The following ASIC2 variants were observed in gnomAD, a reference collection of about 807,000 sequenced individuals.
The protein encoded by ASIC2 is acid sensing ion channel subunit 2, also known as acid-sensing ion channel 2.
ASIC2 carries 25 observed loss-of-function variants against 57.3 expected under a neutral mutation model. The observed-to-expected ratio is 0.44, with a 90% CI of 0.32 to 0.61. The LOEUF (loss-of-function observed/expected upper bound fraction) is 0.61, where lower values mean the gene tolerates loss of function less well. ASIC2 is among the 20% of genes least tolerant of loss of function. The pLI, the probability that ASIC2 is intolerant of heterozygous loss-of-function variation, is 0.06. For missense variants in ASIC2, 641 were observed against 738.1 expected (o/e 0.87, Z 1.52); for synonymous variants, 319 against 307.5 (o/e 1.04, Z -0.39).
At chr17:33,251,634 C>A (rs1170400317) in intron 1 of ASIC2, among the ~76,000 whole-genome samples, 8 of 152,140 alleles carry the variant, frequency 5.3e-5, no homozygotes, top group Admixed American at 3.9e-4. Context: ...GCCTCAGGTA[C>A]CATCTTACAG....
chr17:34,131,333 T>C (rs1259103839), intron 1 of ASIC2, among the ~76,000 whole-genome samples: 2 of 152,120 alleles, frequency 1.3e-5, no homozygotes, highest in Non-Finnish European at 2.9e-5. Context: ...AGGAATCAAT[T>C]AGAAATAACC....
chr17:33,920,775 G>T (rs775377260), intron 1 of ASIC2, among the ~76,000 whole-genome samples: 4 of 152,122 alleles, frequency 2.6e-5, no homozygotes, highest in Admixed American at 6.5e-5. Context: ...TATTAGAGGC[G>T]TTGTGGTCGC....
chr17:33,974,293 C>T lies in ASIC2; in HGVS notation c.555+181685G>A, dbSNP rs71379440. ...CAAGTCTCAGTGTCTTCAGCTACAA[C>T]GTTAAGGAAGCAGATTTAAAGATCT... On this transcript the variant is annotated intron_variant, in intron 1 of 9. Transcript: ENST00000359872. 7.2e-3 allele frequency among the ~76,000 whole-genome samples: 1,094 copies of T among 152,214 alleles called. 20 individuals are homozygous for T. The highest frequency in any genetic ancestry group is 0.025 in the African/African-American group (1,034 of 41,530).
chr17:34,087,488 C>T (rs1390182780), intron 1 of ASIC2, among the ~76,000 whole-genome samples: 1 of 152,124 alleles, frequency 6.6e-6, no homozygotes, highest in Non-Finnish European at 1.5e-5. Flanking sequence ...TCCTTCATTC[C>T]AACTTTGGTT....
chr17:33,579,198 A>C (rs1023712372), intron 1 of ASIC2, among the ~76,000 whole-genome samples: 3 of 151,136 alleles, frequency 2.0e-5, no homozygotes, highest in Admixed American at 1.3e-4. Context: ...AGGCAGGAGA[A>C]TCGCTTGAAC....
At chr17:33,285,200 A>C (rs1043970310) in intron 1 of ASIC2, among the ~76,000 whole-genome samples, 5 of 152,242 alleles carry the variant, frequency 3.3e-5, no homozygotes, top group African/African-American at 1.2e-4. Context: ...AGTGGCCCCA[A>C]AATAGCCACT....
At chr17:33,320,669 A>G (rs1488979525) in intron 1 of ASIC2, among the ~76,000 whole-genome samples, 1 of 152,124 alleles carries the variant, frequency 6.6e-6, no homozygotes, top group Non-Finnish European at 1.5e-5. Flanking sequence ...TTGCTTTCCT[A>G]TGTGGAACTC....
intron 1 of ASIC2, among the ~76,000 whole-genome samples, chr17:33,126,929 G>A (rs1177784338): frequency 4.3e-5 from 6 of 139,878 alleles, no homozygotes; most frequent in South Asian, 2.4e-4. Flanking sequence ...CTGCAGTGGC[G>A]CAATCTCGGC....
chr17:33,660,064 C>A (rs1179936612), intron 1 of ASIC2, among the ~76,000 whole-genome samples: 1 of 151,770 alleles, frequency 6.6e-6, no homozygotes, highest in East Asian at 1.9e-4. Flanking sequence ...AGCCTGGCGA[C>A]AGAGTGAGAC....
Position 33,097,785 on chromosome 17 carries a change from G to A in ASIC2, c.860-8795C>T, listed in dbSNP as rs532955213. On this transcript the variant is annotated intron_variant, in intron 2 of 9. Coordinates refer to ENST00000225823, the MANE Select transcript of ASIC2 (RefSeq NM_183377.2). The stretch of plus-strand genomic sequence containing the variant: ...GAGTGTGGGACAGCGACAGTAACAC[G>A]GACCAGAGTCGCAGCCCCAGCCTTG... Among the ~76,000 whole-genome samples, 3 of 152,322 alleles carry A rather than the reference G, an allele frequency of 2.0e-5. No individual in the cohort carries two copies. The East Asian group carries it at 5.8e-4, about 29-fold the overall frequency.
intron 1 of ASIC2, among the ~76,000 whole-genome samples, chr17:33,889,616 C>T (rs1244652848): frequency 3.3e-5 from 5 of 152,280 alleles, no homozygotes; most frequent in Middle Eastern, 3.4e-3. Context: ...ATAATACTAA[C>T]GTAAGTTGCA....
intron 1 of ASIC2, among the ~76,000 whole-genome samples, chr17:33,918,321 TTAGCTTTGTAACTTGTC>T (rs1915633637): frequency 6.6e-6 from 1 of 152,200 alleles, no homozygotes; most frequent in Non-Finnish European, 1.5e-5. Context: ...TTAAAAAAAG[TTAGCTTTGTAACTTGTC>T]TGCCCAATAA....
rs182696803 is a variant in ASIC2 at position 33,759,264 on chromosome 17, C to T, written c.555+396714G>A. On this transcript the variant is annotated intron_variant, in intron 1 of 9. Coordinates refer to the ASIC2 transcript ENST00000359872. ...TGAACTGTGTCCATGCCAGAGGGTG[C>T]TGTGGAAGGTGGAATTTAAGAGTAA... Among the ~76,000 whole-genome samples, 277 of 152,214 alleles carry T rather than the reference C, an allele frequency of 1.8e-3. 1 individual carries two copies. Among genetic ancestry groups the T allele is most frequent in the Middle Eastern group, 0.014 (4 of 294 alleles).
At chr17:33,651,209 C>T (rs2142039304) in intron 1 of ASIC2, among the ~76,000 whole-genome samples, 1 of 152,146 alleles carries the variant, frequency 6.6e-6, no homozygotes, top group African/African-American at 2.4e-5. Flanking sequence ...TTGTATTGGT[C>T]TGGTTAAGTG....
chr17:33,277,241 T>C, intron 1 of ASIC2, among the ~76,000 whole-genome samples: 1 of 152,188 alleles, frequency 6.6e-6, no homozygotes, highest in East Asian at 1.9e-4. Context: ...CAGGGAAGAC[T>C]TCCCCTGGGA....
intron 1 of ASIC2, among the ~76,000 whole-genome samples, chr17:33,343,899 A>G (rs1907837451): frequency 6.6e-6 from 1 of 152,220 alleles, no homozygotes; most frequent in African/African-American, 2.4e-5. Flanking sequence ...GCCTTTGCCC[A>G]GACTTTGTCC....
chr17:33,605,013 TTCTCTC>T (rs5820054), intron 1 of ASIC2, among the ~76,000 whole-genome samples: 28 of 148,124 alleles, frequency 1.9e-4, no homozygotes, highest in Middle Eastern at 3.5e-3. Context: ...TATTACTTCA[TTCTCTC>T]TCTCTCTCTC....
chr17:33,452,546 C>A (rs1912287788), intron 1 of ASIC2, among the ~76,000 whole-genome samples: 1 of 152,146 alleles, frequency 6.6e-6, no homozygotes, highest in Non-Finnish European at 1.5e-5. Flanking sequence ...AGTGGGTAGA[C>A]AGTCACTGTT....
At chr17:33,341,304 AG>A (rs1907711769) in intron 1 of ASIC2, among the ~76,000 whole-genome samples, 1 of 152,208 alleles carries the variant, frequency 6.6e-6, no homozygotes, top group African/African-American at 2.4e-5. Context: ...TGGGCTGTCC[AG>A]GACCAACCAT....
Sources: allele counts gnomAD v4.1 joint callset (sites outside exome capture counted in the v4.1 genomes callset), GRCh38; gene constraint gnomAD v4.1.1; transcripts MANE v1.5; gene names NCBI Gene and HGNC (gene_info 2026-07-23, HGNC 2026-07-21).